Variants in RGL1 observed in about 807,000 individuals in gnomAD.
RGL1 encodes the protein ral guanine nucleotide dissociation stimulator-like 1.
Under a neutral mutation model 95.2 loss-of-function variants are expected in RGL1, and 24 were observed. The observed-to-expected ratio is 0.25, with a 90% CI of 0.18 to 0.35. RGL1 has a LOEUF of 0.35. Among genes scored for constraint, RGL1 ranks in the 10% least tolerant of loss-of-function variants. RGL1 has a pLI of 1.00. For missense variants in RGL1, 715 were observed against 936.3 expected (o/e 0.76, Z 3.08); for synonymous variants, 329 against 344.9 (o/e 0.95, Z 0.51).
At chr1:183,817,951 G>A (rs1023508192) in intron 2 of RGL1, among the ~76,000 whole-genome samples, 5 of 152,228 alleles carry the variant, frequency 3.3e-5, no homozygotes, top group Admixed American at 1.3e-4. Flanking sequence ...CTCAGGGACC[G>A]AAAGTTGATT....
intron 1 of RGL1, among the ~76,000 whole-genome samples, chr1:183,688,226 C>T (rs1175949906): frequency 1.3e-5 from 2 of 151,972 alleles, no homozygotes; most frequent in Non-Finnish European, 1.5e-5. Context: ...CTTTGTGGTC[C>T]CAGAACTCCA....
intron 4 of RGL1, among the ~76,000 whole-genome samples, chr1:183,875,037 C>T (rs1666409062): frequency 6.6e-6 from 1 of 152,184 alleles, no homozygotes; most frequent in Non-Finnish European, 1.5e-5. Context: ...CTGCGTAAAT[C>T]TTCTTACCTT....
At chr1:183,785,726 C>T (rs1000016091) in intron 2 of RGL1, among the ~76,000 whole-genome samples, 5 of 152,142 alleles carry the variant, frequency 3.3e-5, no homozygotes, top group Admixed American at 2.0e-4. Context: ...TCATCAAGAA[C>T]GTAATTTGTG....
intron 16 of RGL1, among the ~76,000 whole-genome samples, chr1:183,920,992 T>C (rs1669281382): frequency 6.6e-6 from 1 of 152,218 alleles, no homozygotes; most frequent in Admixed American, 6.5e-5. Context: ...GGGCTTTCTT[T>C]CTATAGTCCT....
chr1:183,880,877 G>A (rs191359000), intron 5 of RGL1, 77 bp downstream of exon 5: 1 of 1,378,000 alleles, frequency 7.3e-7, no homozygotes, highest in Non-Finnish European at 9.9e-7. Context: ...GGTTCTCCCT[G>A]TGCTGGCTAA....
intron 2 of RGL1, among the ~76,000 whole-genome samples, chr1:183,793,183 T>C (rs910680839): frequency 1.8e-4 from 27 of 152,010 alleles, no homozygotes; most frequent in Admixed American, 9.2e-4. Context: ...GAACATACAA[T>C]GGGGAAAGGA....
chr1:183,787,344 G>A (rs1337621831), intron 2 of RGL1, among the ~76,000 whole-genome samples: 1 of 152,158 alleles, frequency 6.6e-6, no homozygotes, highest in Non-Finnish European at 1.5e-5. Flanking sequence ...AATGGGGTAC[G>A]AGTTCTTTGT....
chr1:183,741,014 A>T (rs61386839), intron 1 of RGL1, among the ~76,000 whole-genome samples: 175 of 152,310 alleles, frequency 1.1e-3, no homozygotes, highest in African/African-American at 4.1e-3. Flanking sequence ...GGAGGCCTGT[A>T]TTCTCTTGGG....
chr1:183,813,645 A>G (rs986894265), intron 2 of RGL1, among the ~76,000 whole-genome samples: 5 of 152,248 alleles, frequency 3.3e-5, no homozygotes, highest in African/African-American at 1.2e-4. Flanking sequence ...AACAGCAGTT[A>G]AACTTATAAT....
intron 1 of RGL1, among the ~76,000 whole-genome samples, chr1:183,723,756 G>A (rs1656152898): frequency 6.6e-6 from 1 of 152,170 alleles, no homozygotes; most frequent in African/African-American, 2.4e-5. Flanking sequence ...GCAACTCCTA[G>A]GCAATCCTAG....
chr1:183,805,292 C>A lies in RGL1; in HGVS notation c.-6C>A. 1 of 1,611,888 alleles carries A rather than the reference C, an allele frequency of 6.2e-7. No homozygotes were observed. Among genetic ancestry groups the A allele is most frequent in the Non-Finnish European group, 8.5e-7 (1 of 1,179,562 alleles). On this transcript the variant is annotated 5_prime_UTR_variant, in exon 1 of 18. In the 5' UTR this introduces an upstream ATG that the reference lacks. Coordinates refer to ENST00000360851, the MANE Select transcript of RGL1 (RefSeq NM_001297671.3). The stretch of plus-strand genomic sequence containing the variant: ...CAGCGTTCGCGCACCGGAGAGAAAA[C>A]TGAGAATGAAATTGCTTTGGCAAGC...
rs146138538 is a variant in RGL1 at position 183,808,899 on chromosome 1, C to T, written c.138+2414C>T. ...TTTGTTGTGAAGAATTTCCTGGGACCTTAAGGCTGTTTCCATAGTAGTAGA... is the reference window on the plus strand; with the variant it reads ...TTTGTTGTGAAGAATTTCCTGGGACTTTAAGGCTGTTTCCATAGTAGTAGA... On this transcript the variant is annotated intron_variant, in intron 2 of 17. Coordinates refer to ENST00000360851, the MANE Select transcript of RGL1 (RefSeq NM_001297671.3). 6.4e-3 allele frequency among the ~76,000 whole-genome samples: 971 copies of T among 152,192 alleles called. 7 individuals are homozygous for T. Among genetic ancestry groups the T allele is most frequent in the Non-Finnish European group, 8.8e-3 (601 of 68,018 alleles).
upstream of RGL1, chr1:183,805,093 T>TC: frequency 4.1e-6 from 2 of 488,444 alleles, no homozygotes; most frequent in Non-Finnish European, 6.7e-6. Context: ...GCTCCTCGCT[T>TC]GCTCGCTCGC....
intron 1 of RGL1, among the ~76,000 whole-genome samples, chr1:183,698,612 C>T (rs920887505): frequency 6.6e-6 from 1 of 152,136 alleles, no homozygotes; most frequent in African/African-American, 2.4e-5. Flanking sequence ...ATCTCATTGC[C>T]AAAATTATTA....
upstream of RGL1, among the ~76,000 whole-genome samples, chr1:183,800,508 A>G (rs1660932724): frequency 6.6e-6 from 1 of 152,230 alleles, no homozygotes; most frequent in South Asian, 2.1e-4. Flanking sequence ...TATTCCTAGA[A>G]CATACTAATG....
intron 15 of RGL1, 132 bp from the exon 16 acceptor site, chr1:183,916,315 G>A: frequency 1.9e-6 from 2 of 1,063,462 alleles, no homozygotes; most frequent in Non-Finnish European, 2.8e-6. Flanking sequence ...TGAGACACAT[G>A]TGTGCTGTGG....
chr1:183,666,285 G>A (rs1483099996), intron 1 of RGL1, among the ~76,000 whole-genome samples: 5 of 152,022 alleles, frequency 3.3e-5, no homozygotes, highest in South Asian at 2.1e-4. Flanking sequence ...GATTACAGGC[G>A]TGAGCCACCG....
chr1:183,749,993 T>G (rs1005109706), intron 2 of RGL1, among the ~76,000 whole-genome samples: 4 of 152,166 alleles, frequency 2.6e-5, no homozygotes, highest in African/African-American at 4.8e-5. Flanking sequence ...GCCCTTAAAT[T>G]TTTTTCTTCA....
At chr1:183,789,410 A>T (rs1327823027) in intron 2 of RGL1, among the ~76,000 whole-genome samples, 1 of 152,236 alleles carries the variant, frequency 6.6e-6, no homozygotes, top group Non-Finnish European at 1.5e-5. Flanking sequence ...AGATTGTGCC[A>T]TTGCACTCCA....
Sources: gnomAD v4.1 joint callset for allele counts (sites outside exome capture counted in the v4.1 genomes callset) on GRCh38, gnomAD v4.1.1 for gene constraint, MANE v1.5 for transcripts, NCBI Gene and HGNC (gene_info 2026-07-23, HGNC 2026-07-21) for gene names.